The following NTRK2 variants were observed in gnomAD, a reference collection of about 807,000 sequenced individuals.
NTRK2 encodes neurotrophic receptor tyrosine kinase 2.
NTRK2 carries 13 observed loss-of-function variants against 94.5 expected under a neutral mutation model. The ratio of observed to expected loss-of-function variants is 0.14; its 90% CI spans 0.09 to 0.22. The LOEUF is 0.22. Ranked by LOEUF, NTRK2 falls within the 10% of genes least tolerant of loss-of-function variation. NTRK2 has a pLI of 1.00. For missense variants in NTRK2, 639 were observed against 1,071.2 expected (o/e 0.60, Z 5.63); for synonymous variants, 372 against 407.4 (o/e 0.91, Z 1.05).
intron 17 of NTRK2, among the ~76,000 whole-genome samples, chr9:84,989,050 A>T (rs956989538): frequency 4.6e-5 from 7 of 152,222 alleles, no homozygotes; most frequent in Non-Finnish European, 1.0e-4. Context: ...AATATCCCGA[A>T]TCAGAGAACA....
chr9:84,892,815 G>A (rs557858788), intron 14 of NTRK2, among the ~76,000 whole-genome samples: 3 of 151,998 alleles, frequency 2.0e-5, no homozygotes, highest in East Asian at 3.9e-4. Context: ...CCAGCTACTC[G>A]GGAGGTTGAG....
chr9:84,876,669 G>A, intron 14 of NTRK2: 2 of 1,059,422 alleles, frequency 1.9e-6, no homozygotes, highest in South Asian at 9.1e-5. Context: ...TTTTCCATAT[G>A]TATTAGGGTT....
chr9:84,998,214 GCAGT>G (rs1829972210), intron 17 of NTRK2, among the ~76,000 whole-genome samples: 2 of 152,184 alleles, frequency 1.3e-5, no homozygotes, highest in Admixed American at 1.3e-4. Flanking sequence ...GCACAAGCAA[GCAGT>G]CAATCACATG....
At chr9:84,982,099 T>A (rs995631741) in intron 17 of NTRK2, among the ~76,000 whole-genome samples, 5 of 152,206 alleles carry the variant, frequency 3.3e-5, no homozygotes, top group Non-Finnish European at 7.3e-5. Flanking sequence ...TCCTTTTTAT[T>A]GGGTAGAATT....
At chr9:84,772,330 T>A (rs1313334670) in intron 12 of NTRK2, among the ~76,000 whole-genome samples, 1 of 152,142 alleles carries the variant, frequency 6.6e-6, no homozygotes, top group South Asian at 2.1e-4. Flanking sequence ...TCCCAGCTGA[T>A]TGAAACCTCC....
intron 17 of NTRK2, among the ~76,000 whole-genome samples, chr9:84,992,029 C>T (rs996062790): frequency 1.3e-5 from 2 of 152,142 alleles, no homozygotes; most frequent in African/African-American, 4.8e-5. Flanking sequence ...CATGGAGAGA[C>T]CCCAGTGAGG....
At chr9:84,860,302 G>C (rs2075270543) in intron 12 of NTRK2, among the ~76,000 whole-genome samples, 1 of 152,172 alleles carries the variant, frequency 6.6e-6, no homozygotes, top group Non-Finnish European at 1.5e-5. Context: ...ACATTTCACT[G>C]TGGCTTTATT....
Position 84,893,410 on chromosome 9 carries a change from G to A in NTRK2, c.1633+25979G>A, listed in dbSNP as rs189246419. Reference sequence around the variant, plus strand: ...GACCCTCTGCTCCTCTCCTTGCCTCGCAGGAGCAAGAATTATCCCAGGAGT... The same window carrying A: ...GACCCTCTGCTCCTCTCCTTGCCTCACAGGAGCAAGAATTATCCCAGGAGT... On this transcript the variant is annotated intron_variant, in intron 14 of 18. Transcript: ENST00000277120. Among the ~76,000 whole-genome samples the A allele has an allele frequency of 3.9e-5, 6 of 152,264 alleles. No homozygotes were observed. The South Asian group carries it at 1.0e-3, about 26-fold the overall frequency.
chr9:84,788,041 T>G (rs192091451), intron 12 of NTRK2, among the ~76,000 whole-genome samples: 1 of 152,320 alleles, frequency 6.6e-6, no homozygotes, highest in East Asian at 1.9e-4. Flanking sequence ...GATAAGCACT[T>G]AGAAGAAAGC....
chr9:84,734,632 C>G (rs1239883184), intron 9 of NTRK2, among the ~76,000 whole-genome samples: 1 of 152,244 alleles, frequency 6.6e-6, no homozygotes, highest in East Asian at 1.9e-4. Context: ...GTTCTCATGA[C>G]AGTGAATAAG....
intron 12 of NTRK2, among the ~76,000 whole-genome samples, chr9:84,781,727 A>C (rs1376163629): frequency 6.6e-6 from 1 of 152,246 alleles, no homozygotes; most frequent in Non-Finnish European, 1.5e-5. Flanking sequence ...CATATAATTG[A>C]CATAGCTTAG....
chr9:84,872,051 C>T, intron 14 of NTRK2: 2 of 1,402,926 alleles, frequency 1.4e-6, no homozygotes, highest in Non-Finnish European at 1.9e-6. Flanking sequence ...AACTATAGAC[C>T]CATCTCCTCG....
At position 84,710,708 on chromosome 9, in the gene NTRK2, C is replaced by A. The variant is rs76950094; in HGVS notation, c.500C>A (p.Ser167Tyr). 2,472 of 1,614,132 alleles carry A rather than the reference C, an allele frequency of 1.5e-3. 3 individuals are homozygous for A. Among genetic ancestry groups the A allele is most frequent in the Non-Finnish European group, 1.9e-3 (2,298 of 1,179,984 alleles). ...MWIKTLQEAK[S>Y]SPDTQDLYCL... Reference sequence around the variant, plus strand: ...ATCAAGACTCTCCAAGAGGCTAAATCCAGTCCAGACACTCAGGATTTGTAC... The same window carrying A: ...ATCAAGACTCTCCAAGAGGCTAAATACAGTCCAGACACTCAGGATTTGTAC... The change falls in exon 6 of 19, where the codon TCC becomes TAC. Residue 167 changes from serine (S) to tyrosine (Y), a missense_variant. Physicochemically the swap from Ser to Tyr is moderately radical, Grantham distance 144 (BLOSUM62 -2). Around this residue, in one of 5 missense-constraint regions of NTRK2, gnomAD observed 206 missense variants for 251.5 expected, o/e 0.82. Transcript: ENST00000277120.
intron 17 of NTRK2, among the ~76,000 whole-genome samples, chr9:85,018,073 T>C (rs1387925): frequency 0.73 from 110,276 of 151,712 alleles, 40,670 homozygotes; most frequent in African/African-American, 0.81. Context: ...CTTAAGAGGT[T>C]CCCATAAAAT....
chr9:84,821,261 A>C (rs2072802044), intron 12 of NTRK2, among the ~76,000 whole-genome samples: 1 of 152,048 alleles, frequency 6.6e-6, no homozygotes, highest in Non-Finnish European at 1.5e-5. Flanking sequence ...GAATGTACTT[A>C]GCTTGCATGT....
intron 17 of NTRK2, among the ~76,000 whole-genome samples, chr9:84,984,518 A>G (rs1474083312): frequency 6.6e-6 from 1 of 152,042 alleles, no homozygotes; most frequent in Non-Finnish European, 1.5e-5. Flanking sequence ...AAAGATTTCT[A>G]GGTTCTGCCA....
At chr9:84,821,991 CAG>C (rs2072878152) in intron 12 of NTRK2, among the ~76,000 whole-genome samples, 1 of 152,176 alleles carries the variant, frequency 6.6e-6, no homozygotes, top group East Asian at 1.9e-4. Flanking sequence ...GTTTGGGATA[CAG>C]AGAGTGACAA....
chr9:84,960,817 A>T (rs1349917801), intron 17 of NTRK2, among the ~76,000 whole-genome samples: 1 of 152,218 alleles, frequency 6.6e-6, no homozygotes, highest in Non-Finnish European at 1.5e-5. Flanking sequence ...ATGAGAGCTG[A>T]TAGAAGATAA....
intron 6 of NTRK2, among the ~76,000 whole-genome samples, chr9:84,711,755 C>CTTTT (rs2061431353): frequency 6.6e-6 from 1 of 152,076 alleles, no homozygotes; most frequent in Non-Finnish European, 1.5e-5. Context: ...GCTGCACACG[C>CTTTT]TTTGTAGGAA....
Sources: allele counts gnomAD v4.1 joint callset (sites outside exome capture counted in the v4.1 genomes callset), GRCh38; gene constraint gnomAD v4.1.1; regional missense constraint gnomAD v4.1.1; transcripts MANE v1.5; gene names NCBI Gene and HGNC (gene_info 2026-07-23, HGNC 2026-07-21).